The following PTBP2 variants were observed in gnomAD, a reference collection of about 807,000 sequenced individuals.
PTBP2 encodes the protein polypyrimidine tract-binding protein 2.
A neutral mutation model predicts 61.4 loss-of-function variants in PTBP2; 13 were observed. The ratio of observed to expected loss-of-function variants is 0.21; its 90% CI spans 0.14 to 0.34. The LOEUF is 0.34. Among genes scored for constraint, PTBP2 ranks in the 10% least tolerant of loss-of-function variants. PTBP2 has a pLI of 1.00. For missense variants in PTBP2, 405 were observed against 642.6 expected (o/e 0.63, Z 4.00); for synonymous variants, 215 against 218.5 (o/e 0.98, Z 0.14).
chr1:96,807,014 A>C, intron 11 of PTBP2, 56 bp downstream of exon 11: 1 of 1,295,918 alleles, frequency 7.7e-7, no homozygotes, highest in Non-Finnish European at 1.1e-6. Context: ...CAAATGCATA[A>C]TGTGAATGTG....
intron 3 of PTBP2, among the ~76,000 whole-genome samples, chr1:96,755,649 C>T (rs1024837767): frequency 1.3e-5 from 2 of 152,148 alleles, no homozygotes; most frequent in Non-Finnish European, 2.9e-5. Context: ...TGGAATACAA[C>T]AGCCATGTAG....
chr1:96,797,837 C>T (rs1441951976), intron 8 of PTBP2, among the ~76,000 whole-genome samples: 2 of 152,176 alleles, frequency 1.3e-5, no homozygotes, highest in East Asian at 1.9e-4. Flanking sequence ...TGCAGTACAC[C>T]ATTGTTTTAC....
intron 8 of PTBP2, among the ~76,000 whole-genome samples, chr1:96,793,310 G>GA (rs531871691): frequency 6.6e-5 from 10 of 152,056 alleles, no homozygotes; most frequent in Non-Finnish European, 1.5e-4. Flanking sequence ...GTGTCTTTTG[G>GA]AAAAAACATT....
At chr1:96,773,995 A>T (rs984247415) in intron 5 of PTBP2, among the ~76,000 whole-genome samples, 1 of 149,560 alleles carries the variant, frequency 6.7e-6, no homozygotes, top group South Asian at 2.2e-4. Context: ...TCCTGGTACC[A>T]GCAGGGCACT....
chr1:96,776,846 C>T (rs1225418200), intron 5 of PTBP2, among the ~76,000 whole-genome samples: 3 of 151,456 alleles, frequency 2.0e-5, no homozygotes, highest in African/African-American at 4.8e-5. Context: ...TATATTTTTT[C>T]GCATTTTAAA....
At chr1:96,729,007 T>C (rs970825203) in intron 2 of PTBP2, among the ~76,000 whole-genome samples, 1 of 152,148 alleles carries the variant, frequency 6.6e-6, no homozygotes, top group Non-Finnish European at 1.5e-5. Flanking sequence ...ATTTAGTAGA[T>C]CTAATAGTTT....
At chr1:96,777,513 A>T in intron 5 of PTBP2, 72 bp from the exon 6 acceptor site, 1 of 1,320,788 alleles carries the variant, frequency 7.6e-7, no homozygotes, top group Non-Finnish European at 1.0e-6. Flanking sequence ...AAAGTGAACT[A>T]GTAGTGTAAC....
chr1:96,798,068 T>A (rs1384462741), intron 8 of PTBP2, among the ~76,000 whole-genome samples: 2 of 146,034 alleles, frequency 1.4e-5, no homozygotes, highest in Non-Finnish European at 3.0e-5. Context: ...AGAGCGAGAC[T>A]CTGTCTCTAA....
rs1031049236 is a variant in PTBP2 at position 96,801,447 on chromosome 1, G to A, written c.905-3353G>A. Among the ~76,000 whole-genome samples, 4 of 152,236 alleles carry A rather than the reference G, an allele frequency of 2.6e-5. No individual in the cohort carries two copies. In the East Asian group the frequency reaches 7.7e-4, roughly 29 times the overall value. Reference sequence around the variant, plus strand: ...CTTCATAGGGGGCCCACAAAGTTTAGTATTACTTTTCACGGTAATACTAAA... The same window carrying A: ...CTTCATAGGGGGCCCACAAAGTTTAATATTACTTTTCACGGTAATACTAAA... On this transcript the variant is annotated intron_variant, in intron 8 of 13. Transcript: ENST00000674951.
At chr1:96,806,984 T>C in intron 11 of PTBP2, 26 bp downstream of exon 11, 1 of 1,509,344 alleles carries the variant, frequency 6.6e-7, no homozygotes, top group African/African-American at 1.4e-5. Flanking sequence ...GTTTTATCTA[T>C]ACATCTTCAC....
chr1:96,748,841 G>A (rs1654168489), intron 2 of PTBP2, among the ~76,000 whole-genome samples: 1 of 152,132 alleles, frequency 6.6e-6, no homozygotes, highest in Non-Finnish European at 1.5e-5. Flanking sequence ...GTCAGTTAAT[G>A]TGGTAATGTT....
downstream of PTBP2, chr1:96,817,615 A>G (rs1662534874): frequency 6.6e-6 from 1 of 152,096 alleles, no homozygotes; most frequent in Non-Finnish European, 1.5e-5. Flanking sequence ...ACTACCTAAC[A>G]TATTCCATAT....
chr1:96,759,968 G>A (rs569515723), intron 3 of PTBP2, among the ~76,000 whole-genome samples: 6 of 152,284 alleles, frequency 3.9e-5, no homozygotes, highest in African/African-American at 1.4e-4. Context: ...AAAGAAAAGA[G>A]AGCTTGTGCG....
At chr1:96,821,389 G>A (rs1453487507) in exon 14 of PTBP2, 1 of 151,580 alleles carries the variant, frequency 6.6e-6, no homozygotes, top group African/African-American at 2.4e-5. Context: ...CTGCAGGAGT[G>A]TACCTGCAGT....
chr1:96,819,657 T>C (rs1170773133), downstream of PTBP2: 1 of 85,008 alleles, frequency 1.2e-5, no homozygotes, highest in African/African-American at 5.3e-5. Flanking sequence ...CTGGTTCACT[T>C]TAAAACCTCC....
At chr1:96,788,077 C>T (rs892245331) in intron 8 of PTBP2, among the ~76,000 whole-genome samples, 1 of 152,064 alleles carries the variant, frequency 6.6e-6, no homozygotes, top group Non-Finnish European at 1.5e-5. Context: ...TTTAATTTCA[C>T]AAGATTAATT....
intron 8 of PTBP2, among the ~76,000 whole-genome samples, chr1:96,796,921 GAC>G (rs1310158271): frequency 6.6e-6 from 1 of 152,182 alleles, no homozygotes; most frequent in African/African-American, 2.4e-5. Context: ...TACAAAAAGA[GAC>G]AGAGGAAAGA....
intron 1 of PTBP2, among the ~76,000 whole-genome samples, chr1:96,722,080 C>T (rs1025939367): frequency 6.6e-6 from 1 of 152,090 alleles, no homozygotes. Context: ...GGCTTGGAGG[C>T]TGGGGAGGCA....
In PTBP2 at chr1:96,743,322, C is replaced by T. The variant is rs75316784; in HGVS notation, c.40-8103C>T. On this transcript the variant is annotated intron_variant, in intron 2 of 13. Transcript: ENST00000674951. ...ACTTTCTGGATTCTGCTGATTGTACCGCTGTGTTGTCATTTCATATGTTCT... is the reference window on the plus strand; with the variant it reads ...ACTTTCTGGATTCTGCTGATTGTACTGCTGTGTTGTCATTTCATATGTTCT... Among the ~76,000 whole-genome samples the T allele has an allele frequency of 8.3e-3, 1,262 of 151,602 alleles. 51 individuals are homozygous for T. The highest frequency in any genetic ancestry group is 0.06 in the Admixed American group (908 of 15,228).
Sources: allele counts gnomAD v4.1 joint callset (sites outside exome capture counted in the v4.1 genomes callset), GRCh38; gene constraint gnomAD v4.1.1; transcripts MANE v1.5; gene names NCBI Gene and HGNC (gene_info 2026-07-23, HGNC 2026-07-21).